IL31RA: variants seen among roughly 807,000 people sequenced by gnomAD.
The protein encoded by IL31RA is interleukin-31 receptor subunit alpha.
IL31RA carries 66 observed loss-of-function variants against 83.7 expected under a neutral mutation model. That is an observed-to-expected ratio of 0.79 (90% CI 0.65 to 0.97). IL31RA has a LOEUF of 0.97. Ranked by LOEUF, IL31RA falls within the 50% of genes least tolerant of loss-of-function variation. IL31RA has a pLI of 0.00. For synonymous variants in IL31RA, 325 were observed against 329.0 expected, an observed-to-expected ratio of 0.99 and a Z score of 0.13; for missense variants, 798 against 919.4, an observed-to-expected ratio of 0.87 and a Z score of 1.71.
intron 6 of IL31RA, among the ~76,000 whole-genome samples, chr5:55,892,036 A>G (rs1292309200): frequency 3.9e-5 from 6 of 151,954 alleles, no homozygotes; most frequent in Non-Finnish European, 7.4e-5. Flanking sequence ...CAGCCTCCCA[A>G]AGTGCTGGGA....
rs115702372 is a variant in IL31RA, at chr5:55,913,378, C to T, written c.1643-99C>T. Reference sequence around the variant, plus strand: ...TTTAACTGAAAGAAAACTAATAAGACATTGTGTTGCTGAAGCTACTAGAAG... The same window carrying T: ...TTTAACTGAAAGAAAACTAATAAGATATTGTGTTGCTGAAGCTACTAGAAG... On this transcript the variant is annotated intron_variant, in intron 12 of 14. Transcript: ENST00000652347. 246 of 796,218 alleles carry T rather than the reference C, an allele frequency of 3.1e-4. No individual in the cohort carries two copies. The African/African-American group carries it at 3.9e-3, about 13-fold the overall frequency. The allele number at this position is 796,218 out of a possible 1,614,324, so 49.3% of individuals were successfully genotyped here. A position where few individuals can be genotyped will look rare whatever the true frequency, so the allele number is the denominator to read the frequency against.
At chr5:55,847,656 A>G (rs1188430946), upstream of IL31RA, among the ~76,000 whole-genome samples, 1 of 152,198 alleles carries the variant, frequency 6.6e-6, no homozygotes, top group Non-Finnish European at 1.5e-5. Flanking sequence ...GCAACATTTT[A>G]TATTATTATG....
chr5:55,850,187 T>C (rs981552978), upstream of IL31RA, among the ~76,000 whole-genome samples: 3 of 152,216 alleles, frequency 2.0e-5, no homozygotes, highest in East Asian at 5.8e-4. Flanking sequence ...TTCACTGTTT[T>C]GTACTTCAGT....
chr5:55,867,110 T>C (rs35720417), intron 2 of IL31RA, among the ~76,000 whole-genome samples: 54,423 of 95,764 alleles, frequency 0.57, 18,071 homozygotes, highest in South Asian at 0.71. Context: ...TGTGTGTGTG[T>C]GCATGTGTGT....
intron 7 of IL31RA, among the ~76,000 whole-genome samples, chr5:55,897,181 C>T (rs1430420940): frequency 1.4e-5 from 2 of 145,478 alleles, no homozygotes; most frequent in Non-Finnish European, 3.0e-5. Flanking sequence ...AGCCCTTGAT[C>T]TCTTACCCTT....
intron 12 of IL31RA, among the ~76,000 whole-genome samples, 158 bp downstream of exon 12, chr5:55,910,830 A>T (rs1225734087): frequency 2.0e-5 from 3 of 152,166 alleles, no homozygotes; most frequent in African/African-American, 7.2e-5. Flanking sequence ...TGGAAAGCAT[A>T]TAGGTGAGGA....
intron 2 of IL31RA, among the ~76,000 whole-genome samples, chr5:55,860,171 G>A (rs1367703557): frequency 6.6e-6 from 1 of 151,974 alleles, no homozygotes; most frequent in Non-Finnish European, 1.5e-5. Flanking sequence ...GAGTTCGAGA[G>A]CAGCCTGACC....
intron 11 of IL31RA, chr5:55,908,929 T>C (rs1480611158): frequency 8.5e-7 from 1 of 1,176,154 alleles, no homozygotes; most frequent in South Asian, 2.6e-5. Flanking sequence ...CATTTGAAAG[T>C]GTACAATTTA....
At chr5:55,868,747 C>G in intron 2 of IL31RA, 44 bp from the exon 3 acceptor site, 1 of 1,058,252 alleles carries the variant, frequency 9.4e-7, no homozygotes, top group Non-Finnish European at 1.5e-6. Flanking sequence ...TTATTGTGTA[C>G]TGAAATTTTT....
At chr5:55,874,080 G>A (rs1040023881) in intron 4 of IL31RA, among the ~76,000 whole-genome samples, 4 of 151,782 alleles carry the variant, frequency 2.6e-5, no homozygotes, top group East Asian at 1.9e-4. Flanking sequence ...GTTAAATAGG[G>A]GTCTAACTTT....
chr5:55,868,760 G>A, intron 2 of IL31RA, 31 bp from the exon 3 acceptor site: 2 of 1,188,814 alleles, frequency 1.7e-6, no homozygotes, highest in South Asian at 1.2e-5. Context: ...AAATTTTTGT[G>A]TTTGTGTGTG....
the IL31RA span, among the ~76,000 whole-genome samples, chr5:55,843,039 C>T: frequency 6.6e-6 from 1 of 152,152 alleles, no homozygotes; most frequent in Non-Finnish European, 1.5e-5. Flanking sequence ...AAGTTGTCCC[C>T]ACCACCCCTT....
In IL31RA at chr5:55,859,598, A is replaced by T. The variant is rs778837317; in HGVS notation, c.153A>T (p.Ala51=). Residue 51 remains alanine, a splice_region_variant and synonymous_variant, in exon 2 of 15, where the codon GCA becomes GCT. Transcript: ENST00000652347. The stretch of plus-strand genomic sequence containing the variant: ...CCTCACTCTGCAAATTCAGCCTGGC[A>T]GGTAGGTTGACCTGGGCCCTTTTAC... ...MLPSLCKFSL[A]ALPAKPENIS... is the part of the protein sequence containing the mutation. 2 of 1,602,512 alleles carry T rather than the reference A, an allele frequency of 1.2e-6. No homozygotes were observed. The highest frequency in any genetic ancestry group is 2.7e-5 in the African/African-American group (2 of 74,686).
intron 2 of IL31RA, among the ~76,000 whole-genome samples, chr5:55,862,736 A>G (rs773037226): frequency 2.0e-5 from 3 of 152,064 alleles, no homozygotes; most frequent in African/African-American, 4.8e-5. Context: ...CCAGGATCCA[A>G]TTTAGGGTAC....
chr5:55,863,591 A>G (rs1275470649), intron 2 of IL31RA, among the ~76,000 whole-genome samples: 6 of 152,376 alleles, frequency 3.9e-5, no homozygotes, highest in African/African-American at 1.4e-4. Flanking sequence ...TGAGCACTGG[A>G]AATATTGGTG....
chr5:55,880,859 G>A (rs1188585579), intron 4 of IL31RA, among the ~76,000 whole-genome samples: 2 of 152,160 alleles, frequency 1.3e-5, no homozygotes, highest in African/African-American at 2.4e-5. Context: ...TATTGTTAGC[G>A]GTGGAAGTTA....
chr5:55,897,473 C>A (rs1241701727), intron 7 of IL31RA, among the ~76,000 whole-genome samples: 1 of 152,106 alleles, frequency 6.6e-6, no homozygotes, highest in Admixed American at 6.6e-5. Flanking sequence ...TCTCCGGAAC[C>A]CCCCTCCCCA....
At chr5:55,890,962 C>T (rs1227352818) in intron 6 of IL31RA, among the ~76,000 whole-genome samples, 1 of 152,104 alleles carries the variant, frequency 6.6e-6, no homozygotes, top group South Asian at 2.1e-4. Context: ...GCAGTTTCCT[C>T]GCATTTATTC....
At chr5:55,891,429 C>G (rs1747984745) in intron 6 of IL31RA, among the ~76,000 whole-genome samples, 3 of 152,176 alleles carry the variant, frequency 2.0e-5, no homozygotes, top group Admixed American at 2.0e-4. Context: ...GGGCTAAAGT[C>G]AAGATGTCAG....
Sources: allele counts gnomAD v4.1 joint callset (sites outside exome capture counted in the v4.1 genomes callset), GRCh38; gene constraint gnomAD v4.1.1; transcripts MANE v1.5; gene names NCBI Gene and HGNC (gene_info 2026-07-23, HGNC 2026-07-21).